The following PCTP variants were observed in gnomAD, a reference collection of about 807,000 sequenced individuals.
PCTP encodes the protein phosphatidylcholine transfer protein, also known as START domain-containing protein 2.
PCTP carries 27 observed loss-of-function variants against 31.0 expected under a neutral mutation model. The ratio of observed to expected loss-of-function variants is 0.87; its 90% CI spans 0.64 to 1.20. The LOEUF (loss-of-function observed/expected upper bound fraction) is 1.20, where lower values mean the gene tolerates loss of function less well. PCTP is among the 50% of genes most tolerant of loss of function. The pLI is 0.00. For missense variants in PCTP, 287 were observed against 268.2 expected, an observed-to-expected ratio of 1.07 and a Z score of -0.49; for synonymous variants, 108 against 101.2, an observed-to-expected ratio of 1.07 and a Z score of -0.40.
At chr17:55,789,725 C>A (rs1175992554) in intron 3 of PCTP, among the ~76,000 whole-genome samples, 5 of 152,110 alleles carry the variant, frequency 3.3e-5, no homozygotes, top group African/African-American at 1.2e-4. Flanking sequence ...ACCAGAGGTA[C>A]AAGGAGGAAC....
At chr17:55,824,128 TTGA>T (rs1223754060), downstream of PCTP, among the ~76,000 whole-genome samples, 1 of 152,176 alleles carries the variant, frequency 6.6e-6, no homozygotes, top group Non-Finnish European at 1.5e-5. Flanking sequence ...AACTGCAAAC[TTGA>T]TGTTCTCTTT....
chr17:55,838,213 T>A (rs1408985554), intron 5 of PCTP, among the ~76,000 whole-genome samples: 1 of 152,188 alleles, frequency 6.6e-6, no homozygotes, highest in East Asian at 1.9e-4. Flanking sequence ...ACAACTTTCT[T>A]TGCTCGTAAG....
At chr17:55,751,436 C>G (rs905055566) in intron 1 of PCTP, 192 bp downstream of exon 1, 71 of 1,533,584 alleles carry the variant, frequency 4.6e-5, no homozygotes, top group Non-Finnish European at 6.2e-5. Flanking sequence ...GACTGCCGTG[C>G]AGATCCAGGG....
intron 5 of PCTP, chr17:55,775,812 A>G (rs1267887264): frequency 1.6e-6 from 2 of 1,289,862 alleles, no homozygotes; most frequent in East Asian, 6.0e-5. Context: ...AAGCTAACAT[A>G]TAAGGCCTTT....
rs1455015701 is a variant in PCTP at position 55,751,097 on chromosome 17, C to A, written c.-7C>A. 2 of 1,531,382 alleles carry A rather than the reference C, an allele frequency of 1.3e-6. No individual in the cohort carries two copies. The highest frequency in any genetic ancestry group is 1.2e-5 in the South Asian group (1 of 82,308). The allele number at this position is 1,531,382 out of a possible 1,614,324, so 94.9% of individuals were successfully genotyped here. On this transcript the variant is annotated 5_prime_UTR_variant, in exon 1 of 6. Coordinates refer to ENST00000268896, the MANE Select transcript of PCTP (RefSeq NM_021213.4). ...CCTCCAGGCGGAGGAGCCCGGACTG[C>A]GGAAGGATGGAGCTGGCCGCCGGAA... is the stretch of plus-strand genomic sequence containing the variant.
chr17:55,789,658 C>T (rs919148966), intron 3 of PCTP, among the ~76,000 whole-genome samples: 30 of 152,052 alleles, frequency 2.0e-4, no homozygotes, highest in African/African-American at 5.3e-4. Flanking sequence ...CTCACTGCAC[C>T]GTGTTATGTC....
In PCTP at chr17:55,791,507, A is replaced by G. The variant is rs1410997981; in HGVS notation, c.317+3853A>G. Among the ~76,000 whole-genome samples the G allele has an allele frequency of 1.1e-4, 17 of 148,308 alleles. No individual in the cohort carries two copies. The East Asian group carries it at 1.8e-3, about 15-fold the overall frequency. On this transcript the variant is annotated intron_variant, in intron 3 of 3. Transcript: ENST00000572536. ...AAAAGTGGGCAAAGGACATGAACAG[A>G]CACTTCTCAAAAGAAGACATTTATG... is the stretch of plus-strand genomic sequence containing the variant.
At chr17:55,775,523 T>C (rs1045544418) in intron 5 of PCTP, 1 of 1,179,126 alleles carries the variant, frequency 8.5e-7, no homozygotes, top group Non-Finnish European at 1.1e-6. Flanking sequence ...AAGGAAGCCA[T>C]GCATTTCTTC....
rs990355365 is a variant in PCTP at position 55,812,406 on chromosome 17, G to A, written c.318-10355G>A. Among the ~76,000 whole-genome samples, 3 of 152,174 alleles carry A rather than the reference G, an allele frequency of 2.0e-5. No individual in the cohort carries two copies. The East Asian group carries it at 5.8e-4, about 29-fold the overall frequency. On this transcript the variant is annotated intron_variant, in intron 3 of 3. Coordinates refer to the PCTP transcript ENST00000572536. ...AATGATGCTTAGAGACGTTAAGCAG[G>A]TTAGCAAATGATGTGCCAAGTTTTA...
intron 1 of PCTP, among the ~76,000 whole-genome samples, chr17:55,753,918 A>G (rs546688224): frequency 6.6e-6 from 1 of 152,350 alleles, no homozygotes; most frequent in Non-Finnish European, 1.5e-5. Context: ...TAAAGCTTCC[A>G]GCATGTGGGA....
intron 1 of PCTP, among the ~76,000 whole-genome samples, chr17:55,753,796 A>G (rs1475020303): frequency 6.6e-6 from 1 of 152,340 alleles, no homozygotes; most frequent in Non-Finnish European, 1.5e-5. Context: ...AGTCAGTGGC[A>G]TATACAAAGC....
rs1025243598 is a variant in PCTP at position 55,751,157 on chromosome 17, C to A, written c.54C>A (p.Ala18=). The change falls in exon 1 of 6, where the codon GCC becomes GCA. Residue 18 remains alanine, a synonymous_variant. Transcript: ENST00000268896. The stretch of plus-strand genomic sequence containing the variant: ...AGGAGCAGTTCTGGGAGGCCTGCGC[C>A]GAGCTCCAGCAGCCCGCTCTGGCCG... ...FSEEQFWEAC[A]ELQQPALAGA... 1 of 1,548,238 alleles carries A rather than the reference C, an allele frequency of 6.5e-7. No homozygotes were observed. Among genetic ancestry groups the A allele is most frequent in the African/African-American group, 1.4e-5 (1 of 73,118 alleles).
rs1327385028 is a variant in PCTP at position 55,763,884 on chromosome 17, A to T, written c.142-3451A>T. Among the ~76,000 whole-genome samples the T allele has an allele frequency of 1.3e-5, 2 of 152,198 alleles. 1 individual carries two copies. Among genetic ancestry groups the T allele is most frequent in the East Asian group, 3.8e-4 (2 of 5,196 alleles). ...TTCAAGAATGTGGACCAGGCTGTTC[A>T]GCGCTTGGACATTGTATTGATGAAG... On this transcript the variant is annotated intron_variant, in intron 1 of 5. Transcript: ENST00000268896.
At chr17:55,828,939 C>T (rs973334095) in intron 5 of PCTP, among the ~76,000 whole-genome samples, 2 of 152,202 alleles carry the variant, frequency 1.3e-5, no homozygotes, top group African/African-American at 2.4e-5. Flanking sequence ...TCAAGGGCTT[C>T]TTCCCAGTCC....
intron 1 of PCTP, among the ~76,000 whole-genome samples, chr17:55,766,876 C>A (rs961788662): frequency 1.8e-4 from 27 of 152,150 alleles, no homozygotes; most frequent in African/African-American, 6.3e-4. Context: ...ACAATCCCAC[C>A]AACAGTGTAA....
chr17:55,763,669 G>A (rs1038147902), intron 1 of PCTP, among the ~76,000 whole-genome samples: 16 of 152,044 alleles, frequency 1.1e-4, no homozygotes, highest in Admixed American at 3.9e-4. Flanking sequence ...TTTACTTAAA[G>A]GAAATATGTC....
At chr17:55,756,300 G>A (rs1910014034) in intron 1 of PCTP, among the ~76,000 whole-genome samples, 1 of 152,156 alleles carries the variant, frequency 6.6e-6, no homozygotes, top group Non-Finnish European at 1.5e-5. Context: ...ATGCTATAAA[G>A]TACTTTAAAG....
At chr17:55,768,899 C>T (rs1910833117) in intron 2 of PCTP, 1 of 152,144 alleles carries the variant, frequency 6.6e-6, no homozygotes, top group South Asian at 2.1e-4. Flanking sequence ...GCACATAAAG[C>T]CTTTAGTCAA....
intron 3 of PCTP, among the ~76,000 whole-genome samples, chr17:55,802,044 A>G (rs1030680243): frequency 4.6e-5 from 7 of 152,236 alleles, no homozygotes; most frequent in Non-Finnish European, 7.3e-5. Flanking sequence ...ATCACCACTG[A>G]TCCCACAGAA....
Sources: allele counts gnomAD v4.1 joint callset (sites outside exome capture counted in the v4.1 genomes callset), GRCh38; gene constraint gnomAD v4.1.1; transcripts MANE v1.5; gene names NCBI Gene and HGNC (gene_info 2026-07-23, HGNC 2026-07-21).